The following HMG20B variants were observed in gnomAD, a reference collection of about 807,000 sequenced individuals.
HMG20B encodes the protein SWI/SNF-related matrix-associated actin-dependent regulator of chromatin subfamily E member 1-related.
In HMG20B, 24 loss-of-function variants were observed where a neutral mutation model predicts 41.6. The ratio of observed to expected loss-of-function variants is 0.58; its 90% CI spans 0.42 to 0.81. The LOEUF (loss-of-function observed/expected upper bound fraction) is 0.81. HMG20B is among the 30% of genes least tolerant of loss of function. The probability of loss-of-function intolerance (pLI) is 0.00; values close to 1 mark genes in which losing one functional copy is unlikely to be tolerated. For synonymous variants in HMG20B, 251 were observed against 186.6 expected, an observed-to-expected ratio of 1.34 and a Z score of -2.81; for missense variants, 461 against 444.0, an observed-to-expected ratio of 1.04 and a Z score of -0.34.
At chr19:3,573,119 CA>C (rs2032076765) in intron 1 of HMG20B, 125 bp downstream of exon 1, 5 of 530,348 alleles carry the variant, frequency 9.4e-6, no homozygotes, top group Non-Finnish European at 1.6e-5. Context: ...GGCAATCGCC[CA>C]ACAAAGGATT....
chr19:3,573,543 C>T, intron 2 of HMG20B, 149 bp from the exon 3 acceptor site: 1 of 900,508 alleles, frequency 1.1e-6, no homozygotes, highest in Non-Finnish European at 1.6e-6. Context: ...TCCCACCTTC[C>T]CCGGATACTG....
Position 3,578,016 on chromosome 19 carries a change from T to C in HMG20B, c.844T>C (p.Phe282Leu). 6.2e-7 allele frequency: 1 copy of C among 1,608,198 alleles called. No homozygotes were observed. The highest frequency in any genetic ancestry group is 8.5e-7 in the Non-Finnish European group (1 of 1,178,468). ...AACGCCCACGCTGGGCACTCTGGAC[T>C]TCTACATGGCCCGGCTTCACGGAGC... ...GETPTLGTLD[F>L]YMARLHGAIE... Residue 282 changes from phenylalanine (F) to leucine (L), a missense_variant, in exon 9 of 10, where the codon TTC (phenylalanine) becomes CTC (leucine). By Grantham distance (22) the Phe-to-Leu change is conservative. Coordinates refer to ENST00000333651, the MANE Select transcript of HMG20B (RefSeq NM_006339.3).
At chr19:3,576,435 G>A in intron 6 of HMG20B, 118 bp from the exon 7 acceptor site, 1 of 1,322,796 alleles carries the variant, frequency 7.6e-7, no homozygotes. Context: ...CCGTGGGATC[G>A]CTGTTGATTG....
intron 9 of HMG20B, 114 bp from the exon 10 acceptor site, chr19:3,578,391 CCCAA>C (rs2032220541): frequency 4.3e-6 from 6 of 1,384,326 alleles, no homozygotes; most frequent in Non-Finnish European, 5.8e-6. Context: ...ACGCCTGTCC[CCCAA>C]CCCTGGCATC....
chr19:3,575,805 G>T (rs1328256527), intron 5 of HMG20B, 145 bp downstream of exon 5: 9 of 636,854 alleles, frequency 1.4e-5, no homozygotes, highest in Non-Finnish European at 2.4e-5. Flanking sequence ...TTACCTGGGC[G>T]TGGTGGCGGG....
At position 3,578,948 on chromosome 19, in the gene HMG20B, G is replaced by A. The variant is rs533041102; in HGVS notation, c.*427G>A. 2.5e-6 allele frequency: 1 copy of A among 402,384 alleles called. No individual in the cohort carries two copies. Among genetic ancestry groups the A allele is most frequent in the Non-Finnish European group, 4.9e-6 (1 of 204,012 alleles). The allele number at this position is 402,384 out of a possible 1,614,324, so 24.9% of individuals were successfully genotyped here. ...GACTTACCTGGGGTGTCCCCCGCAT[G>A]CCTGTACCCCAGATGGGTGGGGGCC... On this transcript the variant is annotated 3_prime_UTR_variant, in exon 10 of 10. Coordinates refer to ENST00000333651, the MANE Select transcript of HMG20B (RefSeq NM_006339.3).
At position 3,573,295 on chromosome 19, in the gene HMG20B, C is replaced by G; in HGVS notation, c.-15C>G. Reference sequence around the variant, plus strand: ...TCCGCCCGCGTCCGTGTTCCAGGTCCGGCCCGGAGCGGCCATGTCCCACGG... The same window carrying G: ...TCCGCCCGCGTCCGTGTTCCAGGTCGGGCCCGGAGCGGCCATGTCCCACGG... On this transcript the variant is annotated 5_prime_UTR_variant, in exon 2 of 10. Transcript: ENST00000333651. The G allele has an allele frequency of 6.6e-7, 1 of 1,523,036 alleles. No homozygotes were observed. Among genetic ancestry groups the G allele is most frequent in the Non-Finnish European group, 8.8e-7 (1 of 1,138,788 alleles). 94.3% of individuals were successfully genotyped at this position (1,523,036 alleles called of 1,614,324 possible). A position where few individuals can be genotyped will look rare whatever the true frequency, so the allele number is the denominator to read the frequency against.
chr19:3,577,969 C>T lies in HMG20B; in HGVS notation c.809-12C>T, dbSNP rs1024785177. On this transcript the variant is annotated splice_polypyrimidine_tract_variant and intron_variant, in intron 8 of 9. Transcript: ENST00000333651. Reference sequence around the variant, plus strand: ...CCGGCACCCTCGCCTGACCTTCCCGCCTGTCCCCCAGGCACGGGCGAAACG... The same window carrying T: ...CCGGCACCCTCGCCTGACCTTCCCGTCTGTCCCCCAGGCACGGGCGAAACG... 7.6e-6 allele frequency: 12 copies of T among 1,583,620 alleles called. No homozygotes were observed. In the African/African-American group the frequency reaches 1.3e-4, roughly 18 times the overall value.
Position 3,576,256 on chromosome 19 carries a change from G to A in HMG20B, c.473-5G>A, listed in dbSNP as rs757572351. 7 of 1,613,590 alleles carry A rather than the reference G, an allele frequency of 4.3e-6. No individual in the cohort carries two copies. Among genetic ancestry groups the A allele is most frequent in the Middle Eastern group, 1.6e-4 (1 of 6,062 alleles). On this transcript the variant is annotated splice_region_variant and splice_polypyrimidine_tract_variant and intron_variant, in intron 5 of 9. Coordinates refer to ENST00000333651, the MANE Select transcript of HMG20B (RefSeq NM_006339.3). Reference sequence around the variant, plus strand: ...GCTGACCCTGCCCTTCCCCTCCCCCGCCAGAAGACTCGAGCTCTGGGCTCA... The same window carrying A: ...GCTGACCCTGCCCTTCCCCTCCCCCACCAGAAGACTCGAGCTCTGGGCTCA...
chr19:3,576,410 G>A lies in HMG20B; in HGVS notation c.519+103G>A. 3 of 1,384,668 alleles carry A rather than the reference G, an allele frequency of 2.2e-6. No individual in the cohort carries two copies. In the South Asian group the frequency reaches 3.5e-5, roughly 16 times the overall value. The allele number at this position is 1,384,668 out of a possible 1,614,324, so 85.8% of individuals were successfully genotyped here. A position where few individuals can be genotyped will look rare whatever the true frequency, so the allele number is the denominator to read the frequency against. ...GCTCGCCCAGATGTGTGCAAGCAGGGGCGGTGCCACTGCACCGTGGGATCG... is the reference window on the plus strand; with the variant it reads ...GCTCGCCCAGATGTGTGCAAGCAGGAGCGGTGCCACTGCACCGTGGGATCG... On this transcript the variant is annotated intron_variant, in intron 6 of 9. Coordinates refer to ENST00000333651, the MANE Select transcript of HMG20B (RefSeq NM_006339.3).
At position 3,577,107 on chromosome 19, in the gene HMG20B, G is replaced by A. The variant is rs1359503858; in HGVS notation, c.808G>A (p.Gly270Ser). 1 of 1,527,764 alleles carries A rather than the reference G, an allele frequency of 6.5e-7. No homozygotes were observed. The highest frequency in any genetic ancestry group is 8.8e-7 in the Non-Finnish European group (1 of 1,141,460). 94.6% of individuals were successfully genotyped at this position (1,527,764 alleles called of 1,614,324 possible). A position where few individuals can be genotyped will look rare whatever the true frequency, so the allele number is the denominator to read the frequency against. Reference protein sequence around the residue: ...TASFASLPVPGTGETPTLGTL... With the variant: ...TASFASLPVPSTGETPTLGTL... ...CAGCTTCGCCTCACTGCCGGTGCCG[G>A]GTGCGGGCCACGCCCATCTCCCAGT... Residue 270 changes from glycine (G) to serine (S), a missense_variant and splice_region_variant, in exon 8 of 10, where the codon GGC becomes AGC. Transcript: ENST00000333651.
At chr19:3,574,280 C>T (rs908808859) in intron 3 of HMG20B, 103 bp from the exon 4 acceptor site, 20 of 772,142 alleles carry the variant, frequency 2.6e-5, no homozygotes, top group Middle Eastern at 3.5e-4. Context: ...AGCTAGGCCC[C>T]GCCCCCATCC....
At chr19:3,574,631 C>T in intron 4 of HMG20B, 45 bp downstream of exon 4, 1 of 1,511,008 alleles carries the variant, frequency 6.6e-7, no homozygotes. Flanking sequence ...GGTCCACGGA[C>T]TACCCCCCAG....
rs1322470819 is a variant in HMG20B, at chr19:3,576,942, G to A, written c.643G>A (p.Glu215Lys). The part of the protein sequence containing the change: ...RLRKMNVAFE[E>K]QNAVLQRHTQ... ...GCGGAAGATGAATGTGGCCTTCGAG[G>A]AGCAGAACGCGGTACTGCAGAGGCA... is the stretch of plus-strand genomic sequence containing the variant. Residue 215 changes from glutamate (E) to lysine (K), a missense_variant, in exon 8 of 10, where the codon GAG (glutamate) becomes AAG (lysine). Coordinates refer to ENST00000333651, the MANE Select transcript of HMG20B (RefSeq NM_006339.3). 1.9e-6 allele frequency: 3 copies of A among 1,584,736 alleles called. No individual in the cohort carries two copies. The highest frequency in any genetic ancestry group is 4.6e-5 in the East Asian group (2 of 43,394).
rs2032082406 is a variant in HMG20B at position 3,573,340 on chromosome 19, G to T, written c.31G>T (p.Ala11Ser). 4 of 1,535,386 alleles carry T rather than the reference G, an allele frequency of 2.6e-6. No homozygotes were observed. Among genetic ancestry groups the T allele is most frequent in the Non-Finnish European group, 3.5e-6 (4 of 1,143,522 alleles). Residue 11 changes from alanine to serine, a missense_variant, in exon 2 of 10, where the codon GCC (alanine) becomes TCC (serine). By Grantham distance (99) the Ala-to-Ser change is moderately conservative. This residue lies in a region of HMG20B where 104 missense variants were observed against 76.5 expected (regional missense o/e 1.36). Transcript: ENST00000333651. ...CCACGGCCCCAAGCAGCCCGGCGCG[G>T]CCGCCGCGTGAGTGCACTGATCCCC... MSHGPKQPGA[A>S]AAPAGGKAPG...
chr19:3,573,603 C>T (rs745596874), intron 2 of HMG20B, 89 bp from the exon 3 acceptor site: 2 of 1,205,666 alleles, frequency 1.7e-6, no homozygotes, highest in African/African-American at 1.6e-5. Flanking sequence ...GCTGCAGCCC[C>T]GCCGTCGGGG....
intron 5 of HMG20B, chr19:3,576,013 T>A (rs1020520423): frequency 1.7e-6 from 1 of 584,520 alleles, no homozygotes; most frequent in African/African-American, 1.9e-5. Flanking sequence ...GGGGTCCTGC[T>A]CTGTGGGGTG....
chr19:3,579,000 G>A lies in HMG20B; in HGVS notation c.*479G>A. 2.8e-6 allele frequency: 1 copy of A among 355,272 alleles called. No homozygotes were observed. Among genetic ancestry groups the A allele is most frequent in the Non-Finnish European group, 5.6e-6 (1 of 179,054 alleles). The allele number at this position is 355,272 out of a possible 1,614,324, so 22.0% of individuals were successfully genotyped here. A position where few individuals can be genotyped will look rare whatever the true frequency, so the allele number is the denominator to read the frequency against. On this transcript the variant is annotated 3_prime_UTR_variant, in exon 10 of 10. Coordinates refer to ENST00000333651, the MANE Select transcript of HMG20B (RefSeq NM_006339.3). The stretch of plus-strand genomic sequence containing the variant: ...GCTTTGCCCATCCTGCTCTCCTCCA[G>A]CCGAGGGACCCTGGTGGGGGTGGCT...
In HMG20B at chr19:3,577,161, CT is replaced by C. The variant is rs1158655779; in HGVS notation, c.808+55del. 8.3e-6 allele frequency: 10 copies of C among 1,201,518 alleles called. No homozygotes were observed. The African/African-American group carries it at 1.1e-4, about 14-fold the overall frequency. The allele number at this position is 1,201,518 out of a possible 1,614,324, so 74.4% of individuals were successfully genotyped here. On this transcript the variant is annotated intron_variant, in intron 8 of 9. Transcript: ENST00000333651. Reference sequence around the variant, plus strand: ...GCCCCGGTCACCCGGCCCCGCCCGCCTCCCCCCCCCTCCTCCCTTCCCCCCT... The same window carrying C: ...GCCCCGGTCACCCGGCCCCGCCCGCCCCCCCCCCCTCCTCCCTTCCCCCCT...
Sources: allele counts gnomAD v4.1 joint callset, GRCh38; gene constraint gnomAD v4.1.1; regional missense constraint gnomAD v4.1.1; transcripts MANE v1.5; gene names NCBI Gene and HGNC (gene_info 2026-07-23, HGNC 2026-07-21).